Variants in PTPRN2 observed in about 807,000 individuals in gnomAD.
PTPRN2 encodes the protein receptor-type tyrosine-protein phosphatase N2.
PTPRN2 carries 74 observed loss-of-function variants against 118.8 expected under a neutral mutation model. The observed-to-expected ratio is 0.62, with a 90% CI of 0.52 to 0.76. The LOEUF (loss-of-function observed/expected upper bound fraction) is 0.76, where lower values mean the gene tolerates loss of function less well. Among genes scored for constraint, PTPRN2 ranks in the 30% least tolerant of loss-of-function variants. PTPRN2 has a pLI of 0.00. For missense variants in PTPRN2, 1,481 were observed against 1,394.4 expected (o/e 1.06, Z -0.99); for synonymous variants, 641 against 608.0 (o/e 1.05, Z -0.80).
intron 2 of PTPRN2, among the ~76,000 whole-genome samples, chr7:158,370,712 A>T (rs1349724): frequency 0.66 from 99,331 of 151,060 alleles, 33,088 homozygotes; most frequent in East Asian, 0.82. Flanking sequence ...AGATTGCACC[A>T]CTGCACTCCA....
In PTPRN2 at chr7:158,458,978, C is replaced by T. The variant is rs148798151; in HGVS notation, c.163+30757G>A. Among the ~76,000 whole-genome samples the T allele has an allele frequency of 2.6e-4, 39 of 152,276 alleles. 1 individual carries two copies. The East Asian group carries it at 7.5e-3, about 29-fold the overall frequency. On this transcript the variant is annotated intron_variant, in intron 2 of 22. Coordinates refer to ENST00000389418, the MANE Select transcript of PTPRN2 (RefSeq NM_002847.5). ...GCAAAGGACACATGTGGGGAAGACA[C>T]GAGAGGCAGGAGACGGCAACATCTG...
At chr7:157,850,371 T>C in intron 12 of PTPRN2, among the ~76,000 whole-genome samples, 1 of 130,218 alleles carries the variant, frequency 7.7e-6, no homozygotes, top group Non-Finnish European at 1.6e-5. Flanking sequence ...TCTCCGAATT[T>C]CCATTTCCGA....
At chr7:157,797,093 A>C (rs1205059824) in intron 12 of PTPRN2, among the ~76,000 whole-genome samples, 2 of 152,178 alleles carry the variant, frequency 1.3e-5, no homozygotes. Context: ...ATTCAACTGC[A>C]CCGAAATCCC....
chr7:157,984,195 C>T (rs1044589225), intron 11 of PTPRN2, among the ~76,000 whole-genome samples: 21 of 151,972 alleles, frequency 1.4e-4, no homozygotes, highest in African/African-American at 4.8e-4. Context: ...TGTAAACCAG[C>T]GTCCCTGCCT....
At chr7:157,542,219 C>A (rs1314930201) in intron 22 of PTPRN2, among the ~76,000 whole-genome samples, 1 of 152,150 alleles carries the variant, frequency 6.6e-6, no homozygotes. Context: ...CAAGTGTGTT[C>A]GATGAAGGTG....
intron 3 of PTPRN2, among the ~76,000 whole-genome samples, chr7:158,241,332 T>C (rs796375841): frequency 5.2e-4 from 79 of 152,150 alleles, no homozygotes; most frequent in African/African-American, 1.9e-3. Flanking sequence ...CTGGCCAACA[T>C]GGCAAAACCC....
At chr7:158,032,041 G>A (rs117853474) in intron 11 of PTPRN2, among the ~76,000 whole-genome samples, 6,264 of 152,332 alleles carry the variant, frequency 0.041, 175 homozygotes, top group Non-Finnish European at 0.062. Context: ...CTCCAGCACT[G>A]CTGAGAAAGA....
intron 13 of PTPRN2, among the ~76,000 whole-genome samples, chr7:157,662,806 C>A (rs1795957489): frequency 6.6e-6 from 1 of 152,178 alleles, no homozygotes; most frequent in Non-Finnish European, 1.5e-5. Context: ...CCAGGGCGAG[C>A]CTTCTTTTTG....
chr7:158,537,142 T>G (rs1825693614), intron 1 of PTPRN2, among the ~76,000 whole-genome samples: 1 of 152,300 alleles, frequency 6.6e-6, no homozygotes, highest in East Asian at 1.9e-4. Context: ...ACACCAAGTC[T>G]GCTGGCACCT....
chr7:158,505,626 G>A (rs1563369594), intron 1 of PTPRN2, among the ~76,000 whole-genome samples: 2 of 151,882 alleles, frequency 1.3e-5, no homozygotes, highest in Admixed American at 6.6e-5. Flanking sequence ...TTTTGGTTTA[G>A]AGGACTTCAT....
At chr7:157,873,545 C>T (rs1456852701) in intron 12 of PTPRN2, among the ~76,000 whole-genome samples, 2 of 145,772 alleles carry the variant, frequency 1.4e-5, no homozygotes, top group Non-Finnish European at 3.0e-5. Flanking sequence ...AGGTCTGTCT[C>T]GTCGTGGGGG....
intron 14 of PTPRN2, among the ~76,000 whole-genome samples, chr7:157,654,346 C>G (rs1805926129): frequency 6.6e-6 from 1 of 152,086 alleles, no homozygotes; most frequent in African/African-American, 2.4e-5. Context: ...CCACACCCAC[C>G]CTGACTCCCA....
chr7:157,925,768 C>T lies in PTPRN2; in HGVS notation c.1724-27031G>A, dbSNP rs546107220. On this transcript the variant is annotated intron_variant, in intron 11 of 22. Transcript: ENST00000389418. ...TGTGGGTCAGGGTCAGTCCTAGAGA[C>T]GCGTCACAGAGAAACGACGCTGAAT... 3.8e-3 allele frequency among the ~76,000 whole-genome samples: 554 copies of T among 147,710 alleles called. 6 individuals carry two copies. Among genetic ancestry groups the T allele is most frequent in the African/African-American group, 0.013 (470 of 37,212 alleles).
chr7:157,900,441 G>T (rs1166536401), intron 11 of PTPRN2, among the ~76,000 whole-genome samples: 1 of 152,214 alleles, frequency 6.6e-6, no homozygotes, highest in Non-Finnish European at 1.5e-5. Flanking sequence ...GAGTCTAAGG[G>T]TGTCTGTCCA....
At chr7:157,983,681 C>T (rs1175594186) in intron 11 of PTPRN2, among the ~76,000 whole-genome samples, 2 of 152,156 alleles carry the variant, frequency 1.3e-5, no homozygotes, top group Admixed American at 6.5e-5. Flanking sequence ...TGTGTGCACA[C>T]GTGAGCTTGT....
At chr7:158,440,122 A>G (rs1816877370) in intron 2 of PTPRN2, among the ~76,000 whole-genome samples, 1 of 152,178 alleles carries the variant, frequency 6.6e-6, no homozygotes, top group South Asian at 2.1e-4. Flanking sequence ...TCCCAAATTC[A>G]GTTGCAACAA....
intron 2 of PTPRN2, among the ~76,000 whole-genome samples, chr7:158,340,221 G>C (rs62481706): frequency 2.6e-4 from 15 of 56,718 alleles, no homozygotes; most frequent in East Asian, 5.9e-4. Flanking sequence ...AGCTGATGCC[G>C]GCACACGTCA....
intron 10 of PTPRN2, among the ~76,000 whole-genome samples, chr7:158,102,795 T>A (rs1246900755): frequency 6.6e-6 from 1 of 152,012 alleles, no homozygotes; most frequent in East Asian, 1.9e-4. Context: ...CTGAGCCGGG[T>A]TCAGGACATA....
chr7:157,844,790 G>C (rs1216462801), intron 12 of PTPRN2, among the ~76,000 whole-genome samples: 1 of 152,216 alleles, frequency 6.6e-6, no homozygotes, highest in Non-Finnish European at 1.5e-5. Context: ...GGGTGAGCTG[G>C]GCGCTGCCTG....
Sources: allele counts gnomAD v4.1 joint callset (sites outside exome capture counted in the v4.1 genomes callset), GRCh38; gene constraint gnomAD v4.1.1; transcripts MANE v1.5; gene names NCBI Gene and HGNC (gene_info 2026-07-23, HGNC 2026-07-21).